The following GOT1 variants were observed in gnomAD, a reference collection of about 807,000 sequenced individuals.
GOT1 encodes aspartate aminotransferase, cytoplasmic.
In GOT1, 25 loss-of-function variants were observed where a neutral mutation model predicts 48.2. The observed-to-expected ratio is 0.52, with a 90% CI of 0.38 to 0.72. The LOEUF (loss-of-function observed/expected upper bound fraction) is 0.72. Among genes scored for constraint, GOT1 ranks in the 30% least tolerant of loss-of-function variants. The pLI, the probability that GOT1 is intolerant of heterozygous loss-of-function variation, is 0.00. For missense variants in GOT1, 380 were observed against 520.1 expected (o/e 0.73, Z 2.62); for synonymous variants, 188 against 193.8 (o/e 0.97, Z 0.25).
intron 2 of GOT1, 175 bp downstream of exon 2, chr10:99,420,449 G>A: frequency 3.5e-6 from 2 of 573,892 alleles, no homozygotes; most frequent in East Asian, 2.9e-5. Context: ...AAAAAGCCGT[G>A]CTTTGTACAT....
chr10:99,403,959 G>T, intron 5 of GOT1, 85 bp from the exon 6 acceptor site: 1 of 1,311,974 alleles, frequency 7.6e-7, no homozygotes, highest in Non-Finnish European at 1.1e-6. Flanking sequence ...GCTGATGCCT[G>T]GAGGGAATTT....
At chr10:99,408,420 T>C (rs760744838) in intron 2 of GOT1, among the ~76,000 whole-genome samples, 1 of 152,124 alleles carries the variant, frequency 6.6e-6, no homozygotes, top group Admixed American at 6.5e-5. Context: ...AAAGATCACA[T>C]GAAAAAGTCT....
chr10:99,408,743 G>A (rs1209526340), intron 2 of GOT1, among the ~76,000 whole-genome samples: 1 of 152,036 alleles, frequency 6.6e-6, no homozygotes, highest in Non-Finnish European at 1.5e-5. Flanking sequence ...GTAAATACAA[G>A]GAGGGACACA....
intron 2 of GOT1, among the ~76,000 whole-genome samples, chr10:99,407,560 G>A (rs530891269): frequency 8.7e-4 from 132 of 151,916 alleles, no homozygotes; most frequent in African/African-American, 3.1e-3. Context: ...AGCCTCCCGA[G>A]TAGCTGGGAC....
chr10:99,405,133 C>T (rs1466117137), intron 5 of GOT1, among the ~76,000 whole-genome samples: 1 of 152,186 alleles, frequency 6.6e-6, no homozygotes, highest in Non-Finnish European at 1.5e-5. Context: ...ACTGCATCTG[C>T]TCCATTCAAT....
chr10:99,407,300 C>A (rs932123998), intron 2 of GOT1, among the ~76,000 whole-genome samples: 1 of 152,146 alleles, frequency 6.6e-6, no homozygotes, highest in Non-Finnish European at 1.5e-5. Context: ...AAACAGTGTT[C>A]CTAACTTGTC....
intron 1 of GOT1, among the ~76,000 whole-genome samples, chr10:99,427,657 C>G (rs2033058323): frequency 6.6e-6 from 1 of 152,182 alleles, no homozygotes; most frequent in Non-Finnish European, 1.5e-5. Flanking sequence ...TGTTAAACAA[C>G]CCTTCCAAGT....
At chr10:99,429,208 C>T (rs2033081021) in intron 1 of GOT1, among the ~76,000 whole-genome samples, 1 of 152,060 alleles carries the variant, frequency 6.6e-6, no homozygotes, top group Non-Finnish European at 1.5e-5. Context: ...CAACACCACG[C>T]CCGGATACTT....
chr10:99,405,529 A>G (rs962532830), intron 5 of GOT1, among the ~76,000 whole-genome samples: 32 of 150,232 alleles, frequency 2.1e-4, no homozygotes, highest in African/African-American at 7.6e-4. Context: ...AGACACACAC[A>G]CACACACACA....
chr10:99,399,147 T>C (rs1187876691), intron 8 of GOT1, among the ~76,000 whole-genome samples: 2 of 152,238 alleles, frequency 1.3e-5, no homozygotes, highest in African/African-American at 2.4e-5. Context: ...TCTGTATCTG[T>C]AGAGAAAATC....
intron 2 of GOT1, among the ~76,000 whole-genome samples, chr10:99,415,155 T>C (rs2032878851): frequency 6.6e-6 from 1 of 152,110 alleles, no homozygotes; most frequent in South Asian, 2.1e-4. Context: ...ATCCAGGAGC[T>C]GGTTTTTTGA....
chr10:99,422,648 C>T (rs2032985778), intron 1 of GOT1, among the ~76,000 whole-genome samples: 2 of 152,170 alleles, frequency 1.3e-5, no homozygotes, highest in African/African-American at 4.8e-5. Context: ...TCCCTCCCTC[C>T]ATAAATAACA....
intron 1 of GOT1, among the ~76,000 whole-genome samples, chr10:99,424,456 C>A (rs1454050883): frequency 6.6e-6 from 1 of 151,926 alleles, no homozygotes; most frequent in Non-Finnish European, 1.5e-5. Context: ...TAGGTAGATG[C>A]AAAAAAATTT....
At position 99,403,614 on chromosome 10, in the gene GOT1, T is replaced by G; in HGVS notation, c.814A>C (p.Thr272Pro). Residue 272 changes from threonine to proline, a missense_variant, in exon 7 of 9, where the codon ACT (threonine) becomes CCT (proline). Coordinates refer to ENST00000370508, the MANE Select transcript of GOT1 (RefSeq NM_002079.3). ...GLYNERVGNL[T>P]VVGKEPESIL... ...CTCTCAGGTTCTTTTCCAACCACAGTCAGATTCCCGACTCTCTCATCTAAA... is the reference window on the plus strand; with the variant it reads ...CTCTCAGGTTCTTTTCCAACCACAGGCAGATTCCCGACTCTCTCATCTAAA... 1.2e-6 allele frequency: 2 copies of G among 1,614,052 alleles called. No individual in the cohort carries two copies. Among genetic ancestry groups the G allele is most frequent in the Non-Finnish European group, 1.7e-6 (2 of 1,180,004 alleles).
chr10:99,413,766 A>G (rs1009987271), intron 2 of GOT1, among the ~76,000 whole-genome samples: 1 of 152,224 alleles, frequency 6.6e-6, no homozygotes, highest in Non-Finnish European at 1.5e-5. Flanking sequence ...ACAAGCCAGA[A>G]GAGAGTGGGG....
Position 99,406,827 on chromosome 10 carries a change from C to G in GOT1, c.323G>C (p.Gly108Ala). The G allele has an allele frequency of 1.2e-6, 2 of 1,613,906 alleles. No individual in the cohort carries two copies. Among genetic ancestry groups the G allele is most frequent in the South Asian group, 1.1e-5 (1 of 91,058 alleles). ...EKRVGGVQSLGGTGALRIGAD... is the reference protein window; with the variant it reads ...EKRVGGVQSLAGTGALRIGAD... ...TCCAATTCGAAGTGCACCTGTTCCC[C>G]CCAAAGATTGCACACCTCCTACCTG... The change falls in exon 3 of 9, where the codon GGG (glycine) becomes GCG (alanine). Residue 108 changes from glycine (G) to alanine (A), a missense_variant. By Grantham distance (60) the Gly-to-Ala change is moderately conservative (BLOSUM62 0). Coordinates refer to ENST00000370508, the MANE Select transcript of GOT1 (RefSeq NM_002079.3).
chr10:99,429,376 C>T (rs1235161159), intron 1 of GOT1, among the ~76,000 whole-genome samples: 10 of 149,004 alleles, frequency 6.7e-5, no homozygotes, highest in African/African-American at 2.2e-4. Flanking sequence ...TTAACAAATG[C>T]TATGCACAGA....
chr10:99,423,745 C>T (rs550832375), intron 1 of GOT1, among the ~76,000 whole-genome samples: 1 of 152,280 alleles, frequency 6.6e-6, no homozygotes, highest in African/African-American at 2.4e-5. Flanking sequence ...ACCCCCTGGG[C>T]TCAAGCAATT....
At chr10:99,423,955 C>T (rs1712544450) in intron 1 of GOT1, among the ~76,000 whole-genome samples, 1 of 152,182 alleles carries the variant, frequency 6.6e-6, no homozygotes, top group African/African-American at 2.4e-5. Context: ...CATGCCTGGC[C>T]CAACTCACAA....
Sources: gnomAD v4.1 joint callset for allele counts (sites outside exome capture counted in the v4.1 genomes callset) on GRCh38, gnomAD v4.1.1 for gene constraint, MANE v1.5 for transcripts, NCBI Gene and HGNC (gene_info 2026-07-23, HGNC 2026-07-21) for gene names.